The following TSPAN19 variants were observed in gnomAD, a reference collection of about 807,000 sequenced individuals.
The protein encoded by TSPAN19 is tetraspanin 19, also known as tetraspanin-19.
A neutral mutation model predicts 35.1 loss-of-function variants in TSPAN19; 44 were observed. The observed-to-expected ratio is 1.25, with a 90% CI of 0.98 to 1.61. TSPAN19 has a LOEUF of 1.61. TSPAN19 is among the 40% of genes most tolerant of loss of function. The pLI is 0.00. For synonymous variants in TSPAN19, 79 were observed against 92.0 expected (o/e 0.86, Z 0.81); for missense variants, 290 against 280.0 (o/e 1.04, Z -0.26).
chr12:85,034,363 T>C (rs1877816423), intron 1 of TSPAN19, among the ~76,000 whole-genome samples: 1 of 152,180 alleles, frequency 6.6e-6, no homozygotes, highest in Admixed American at 6.6e-5. Context: ...CAACACATTT[T>C]CAAAGGAATA....
intron 4 of TSPAN19, among the ~76,000 whole-genome samples, chr12:85,026,892 T>C (rs1429217530): frequency 6.6e-6 from 1 of 152,116 alleles, no homozygotes; most frequent in Non-Finnish European, 1.5e-5. Flanking sequence ...ATAACTAGTG[T>C]CCAGGGTGAC....
chr12:85,030,603 C>T (rs1457447401), intron 1 of TSPAN19, among the ~76,000 whole-genome samples: 1 of 151,940 alleles, frequency 6.6e-6, no homozygotes, highest in African/African-American at 2.4e-5. Flanking sequence ...CCAGGTTTAG[C>T]ACACAGCAGG....
chr12:85,024,369 G>A (rs969002455), intron 4 of TSPAN19, among the ~76,000 whole-genome samples: 4 of 152,148 alleles, frequency 2.6e-5, no homozygotes, highest in Non-Finnish European at 5.9e-5. Context: ...TTTCAGACAC[G>A]TAAGCATGAG....
chr12:85,031,363 T>C (rs1309714161), intron 1 of TSPAN19, among the ~76,000 whole-genome samples: 1 of 152,132 alleles, frequency 6.6e-6, no homozygotes, highest in Non-Finnish European at 1.5e-5. Context: ...CAATTCTATT[T>C]ACTACCACAT....
At chr12:85,023,519 G>T in intron 4 of TSPAN19, 119 bp from the exon 5 acceptor site, 1 of 687,632 alleles carries the variant, frequency 1.5e-6, no homozygotes, top group Non-Finnish European at 2.3e-6. Flanking sequence ...TATGGGTATT[G>T]CTGAGGCTTC....
chr12:85,026,445 G>T (rs527756578), intron 4 of TSPAN19, among the ~76,000 whole-genome samples: 2 of 152,124 alleles, frequency 1.3e-5, no homozygotes, highest in Non-Finnish European at 2.9e-5. Context: ...GGTGGAATCT[G>T]GAAGTCTGTG....
chr12:85,030,297 T>C (rs1877620519), intron 1 of TSPAN19, among the ~76,000 whole-genome samples: 1 of 152,120 alleles, frequency 6.6e-6, no homozygotes, highest in African/African-American at 2.4e-5. Flanking sequence ...TATAAGATAT[T>C]TTGTTTTCCA....
intron 7 of TSPAN19, 33 bp from the exon 8 acceptor site, chr12:85,016,004 A>G: frequency 7.8e-7 from 1 of 1,284,612 alleles, no homozygotes; most frequent in African/African-American, 1.5e-5. Flanking sequence ...ATGGACATGG[A>G]GATGGAAATG....
At chr12:85,024,288 A>G (rs538718462) in intron 4 of TSPAN19, among the ~76,000 whole-genome samples, 1 of 152,314 alleles carries the variant, frequency 6.6e-6, no homozygotes, top group East Asian at 1.9e-4. Flanking sequence ...CATAAACCTT[A>G]TAAAAGCAGG....
chr12:85,025,621 G>T (rs1357888303), intron 4 of TSPAN19, among the ~76,000 whole-genome samples: 1 of 152,058 alleles, frequency 6.6e-6, no homozygotes, highest in Non-Finnish European at 1.5e-5. Flanking sequence ...CGCCTCCCAG[G>T]TTCAAGCGAT....
rs375013943 is a variant in TSPAN19, at chr12:85,014,530, C to G, written c.704G>C (p.Cys235Ser). ...TATATTCTTGATGTTTTTGAAGAAA[C>G]AAACTGTTAATGAGACTTGGAAAAC... ...SEVFQVSLTV[C>S]FFKNIKNIIH... Residue 235 changes from cysteine to serine, a missense_variant, in exon 9 of 9, where the codon TGT (cysteine) becomes TCT (serine). Physicochemically the swap from Cys to Ser is moderately radical, Grantham distance 112. Coordinates refer to ENST00000532498, the MANE Select transcript of TSPAN19 (RefSeq NM_001100917.2). 1.2e-6 allele frequency: 2 copies of G among 1,601,190 alleles called. No homozygotes were observed. Among genetic ancestry groups the G allele is most frequent in the African/African-American group, 2.7e-5 (2 of 74,408 alleles).
intron 4 of TSPAN19, among the ~76,000 whole-genome samples, chr12:85,024,224 T>G (rs183330245): frequency 3.5e-4 from 53 of 152,298 alleles, no homozygotes; most frequent in African/African-American, 1.2e-3. Flanking sequence ...ACTGGTCAAG[T>G]GCTCTTCCAA....
chr12:85,022,761 T>G (rs1330890445), intron 5 of TSPAN19, among the ~76,000 whole-genome samples: 1 of 152,106 alleles, frequency 6.6e-6, no homozygotes, highest in Non-Finnish European at 1.5e-5. Context: ...TAAAAGTAAC[T>G]GTAGGTTGTA....
chr12:85,016,994 C>T (rs892141136), intron 7 of TSPAN19: 1 of 154,410 alleles, frequency 6.5e-6, no homozygotes, highest in Non-Finnish European at 1.4e-5. Context: ...ACCTGTAAAT[C>T]GCAGTTGCTC....
intron 4 of TSPAN19, among the ~76,000 whole-genome samples, chr12:85,025,810 C>CG (rs397780384): frequency 9.8e-3 from 1 of 102 alleles, no homozygotes; most frequent in Admixed American, 0.12. Flanking sequence ...CAGGCGTGAG[C>CG]ACCGCACCTG....
intron 1 of TSPAN19, among the ~76,000 whole-genome samples, chr12:85,034,411 CTCATTCTT>C (rs1436715570): frequency 1.6e-4 from 25 of 151,718 alleles, no homozygotes; most frequent in Non-Finnish European, 1.9e-4. Flanking sequence ...ACAGTTATCT[CTCATTCTT>C]TCATTCTCTC....
chr12:85,033,974 A>G (rs959553670), intron 1 of TSPAN19, among the ~76,000 whole-genome samples: 1 of 152,128 alleles, frequency 6.6e-6, no homozygotes, highest in Non-Finnish European at 1.5e-5. Context: ...ATTATACAAG[A>G]GTCATGCATG....
At chr12:85,017,351 A>G (rs1876869890) in intron 7 of TSPAN19, 105 bp downstream of exon 7, 3 of 1,053,748 alleles carry the variant, frequency 2.8e-6, no homozygotes, top group South Asian at 1.5e-5. Context: ...GCCACCGTCA[A>G]CAACATTATT....
At chr12:85,023,237 T>G (rs544523576) in intron 5 of TSPAN19, 89 bp downstream of exon 5, 276 of 1,107,808 alleles carry the variant, frequency 2.5e-4, no homozygotes, top group Non-Finnish European at 3.4e-4. Context: ...GCTTTTAATA[T>G]AGGATCAATG....
Sources: allele counts gnomAD v4.1 joint callset (sites outside exome capture counted in the v4.1 genomes callset), GRCh38; gene constraint gnomAD v4.1.1; transcripts MANE v1.5; gene names NCBI Gene and HGNC (gene_info 2026-07-23, HGNC 2026-07-21).